Variants in GDPD5 observed in about 807,000 individuals in gnomAD.
The protein encoded by GDPD5 is glycerophosphodiester phosphodiesterase domain containing 5.
GDPD5 carries 48 observed loss-of-function variants against 75.1 expected under a neutral mutation model. The ratio of observed to expected loss-of-function variants is 0.64; its 90% confidence interval spans 0.51 to 0.81. The LOEUF (loss-of-function observed/expected upper bound fraction) is 0.81, where lower values mean the gene tolerates loss of function less well. Ranked by LOEUF, GDPD5 falls within the 40% of genes least tolerant of loss-of-function variation. GDPD5 has a pLI of 0.00. For synonymous variants in GDPD5, 336 were observed against 339.0 expected, an observed-to-expected ratio of 0.99 and a Z score of 0.10; for missense variants, 706 against 822.6, an observed-to-expected ratio of 0.86 and a Z score of 1.73.
chr11:75,504,982 CGG>C (rs1434448393), intron 1 of GDPD5, among the ~76,000 whole-genome samples: 1 of 151,880 alleles, frequency 6.6e-6, no homozygotes, highest in African/African-American at 2.4e-5. Context: ...AAAAATTAGC[CGG>C]GTGTGCGCAT....
rs140163627 is a variant in GDPD5, at chr11:75,436,829, C to T, written c.1669+107G>A. On this transcript the variant is annotated intron_variant, in intron 16 of 16. Transcript: ENST00000336898. ...ATGTACGTCTGTGCCCTTGTCCCTACCCATATGTGCCACATGTGAATGTGT... is the reference window on the plus strand; with the variant it reads ...ATGTACGTCTGTGCCCTTGTCCCTATCCATATGTGCCACATGTGAATGTGT... 23 of 803,304 alleles carry T rather than the reference C, an allele frequency of 2.9e-5. No individual in the cohort carries two copies. The East Asian group carries it at 6.0e-4, about 21-fold the overall frequency. The allele number at this position is 803,304 out of a possible 1,614,324, so 49.8% of individuals were successfully genotyped here.
intron 3 of GDPD5, among the ~76,000 whole-genome samples, chr11:75,473,444 AGTCCGTT>A (rs1949712777): frequency 6.6e-6 from 1 of 152,066 alleles, no homozygotes; most frequent in South Asian, 2.1e-4. Context: ...GTCCACAGCC[AGTCCGTT>A]GATACCTTCT....
chr11:75,503,547 A>G (rs919021931), intron 1 of GDPD5, among the ~76,000 whole-genome samples: 1 of 152,244 alleles, frequency 6.6e-6, no homozygotes, highest in African/African-American at 2.4e-5. Context: ...CTGCTATGCC[A>G]TACTGACTGC....
intron 4 of GDPD5, among the ~76,000 whole-genome samples, chr11:75,458,899 C>T (rs1175952012): frequency 6.6e-6 from 1 of 152,032 alleles, no homozygotes; most frequent in Non-Finnish European, 1.5e-5. Context: ...CCTCCTACCT[C>T]AGCTGGGACC....
intron 9 of GDPD5, among the ~76,000 whole-genome samples, chr11:75,445,013 A>G (rs1418208772): frequency 1.3e-5 from 2 of 152,154 alleles, no homozygotes; most frequent in Admixed American, 6.5e-5. Context: ...GTGCGGGACC[A>G]GTTTCCTCAT....
intron 1 of GDPD5, among the ~76,000 whole-genome samples, chr11:75,515,520 ATAGGCT>A (rs142322020): frequency 0.067 from 10,198 of 152,236 alleles, 466 homozygotes; most frequent in East Asian, 0.14. Flanking sequence ...CCTGACATTC[ATAGGCT>A]CCTGGGAGAC....
At chr11:75,453,299 C>T (rs1167710301) in intron 6 of GDPD5, among the ~76,000 whole-genome samples, 1 of 152,066 alleles carries the variant, frequency 6.6e-6, no homozygotes, top group Non-Finnish European at 1.5e-5. Context: ...CCCAGGGGAA[C>T]CAGAGACTCT....
chr11:75,443,905 TCATTTATGTG>T (rs2135175656), intron 10 of GDPD5, among the ~76,000 whole-genome samples: 1 of 152,368 alleles, frequency 6.6e-6, no homozygotes, highest in South Asian at 2.1e-4. Flanking sequence ...AACAATGTCC[TCATTTATGTG>T]ATGCCCTTGT....
intron 1 of GDPD5, among the ~76,000 whole-genome samples, chr11:75,502,624 G>A (rs754184379): frequency 6.6e-6 from 1 of 152,144 alleles, no homozygotes; most frequent in East Asian, 1.9e-4. Flanking sequence ...GAGAAGTGGC[G>A]TCTCTGTCCC....
At chr11:75,437,111 G>T in intron 15 of GDPD5, 63 bp from the exon 16 acceptor site, 1 of 1,235,310 alleles carries the variant, frequency 8.1e-7, no homozygotes. Context: ...CAGAGACCCT[G>T]CCTACTTCCA....
chr11:75,492,083 C>G (rs938313976), intron 1 of GDPD5, among the ~76,000 whole-genome samples: 11 of 152,222 alleles, frequency 7.2e-5, no homozygotes, highest in Non-Finnish European at 1.5e-4. Context: ...CCAGGGCTGT[C>G]AGCTCTGCTG....
intron 4 of GDPD5, 104 bp from the exon 5 acceptor site, chr11:75,457,890 G>A: frequency 1.2e-6 from 1 of 832,324 alleles, no homozygotes; most frequent in Non-Finnish European, 1.9e-6. Context: ...GCTGGGCTCA[G>A]TGACCAGGCT....
Position 75,501,916 on chromosome 11 carries a change from T to G in GDPD5, c.-144-11596A>C, listed in dbSNP as rs541970248. Among the ~76,000 whole-genome samples, 271 of 152,180 alleles carry G rather than the reference T, an allele frequency of 1.8e-3. 1 individual carries two copies. Among genetic ancestry groups the G allele is most frequent in the Middle Eastern group, 6.8e-3 (2 of 294 alleles). On this transcript the variant is annotated intron_variant, in intron 1 of 16. Transcript: ENST00000336898. ...GCCAGGGTAGGTATGTGTATCACAT[T>G]CAAAACTGATGTAAATGACCCGCGC...
intron 1 of GDPD5, among the ~76,000 whole-genome samples, chr11:75,511,172 G>A (rs150808859): frequency 6.6e-6 from 1 of 152,336 alleles, no homozygotes; most frequent in East Asian, 1.9e-4. Context: ...TGCCCCTGCT[G>A]CCTGAAGTTC....
At chr11:75,453,880 A>C (rs1194345624) in intron 6 of GDPD5, among the ~76,000 whole-genome samples, 4 of 152,198 alleles carry the variant, frequency 2.6e-5, no homozygotes, top group Admixed American at 2.6e-4. Flanking sequence ...AGCTTCCAAA[A>C]AGAGAAAAAA....
intron 3 of GDPD5, among the ~76,000 whole-genome samples, chr11:75,475,826 C>A (rs1262701926): frequency 6.6e-6 from 1 of 152,216 alleles, no homozygotes; most frequent in African/African-American, 2.4e-5. Context: ...TGGCCCCAGA[C>A]CCCTGCCTCA....
At chr11:75,456,668 G>A in intron 6 of GDPD5, 89 bp downstream of exon 6, 2 of 1,248,016 alleles carry the variant, frequency 1.6e-6, no homozygotes, top group Non-Finnish European at 1.2e-6. Flanking sequence ...GTGATCCAGG[G>A]GAGGGACATG....
intron 3 of GDPD5, among the ~76,000 whole-genome samples, chr11:75,474,247 C>T (rs559508443): frequency 1.3e-5 from 2 of 152,346 alleles, no homozygotes; most frequent in South Asian, 4.1e-4. Flanking sequence ...CTGTCTCTTT[C>T]AATGTCTCTG....
At chr11:75,493,910 T>C (rs1200804731) in intron 1 of GDPD5, among the ~76,000 whole-genome samples, 1 of 152,206 alleles carries the variant, frequency 6.6e-6, no homozygotes, top group East Asian at 1.9e-4. Flanking sequence ...CTGAGGAACA[T>C]CTTACAACAT....
Sources: allele counts gnomAD v4.1 joint callset (sites outside exome capture counted in the v4.1 genomes callset), GRCh38; gene constraint gnomAD v4.1.1; transcripts MANE v1.5; gene names NCBI Gene and HGNC (gene_info 2026-07-23, HGNC 2026-07-21).